LINGO2: variants seen among roughly 807,000 people sequenced by gnomAD.
LINGO2 encodes the protein leucine rich repeat and Ig domain containing 2.
Under a neutral mutation model 30.6 loss-of-function variants are expected in LINGO2, and 14 were observed. That is an observed-to-expected ratio of 0.46 (90% CI 0.30 to 0.72). The LOEUF is 0.72. LINGO2 is among the 30% of genes least tolerant of loss of function. The probability of loss-of-function intolerance (pLI) is 0.07; values close to 1 mark genes in which losing one functional copy is unlikely to be tolerated. For missense variants in LINGO2, 729 were observed against 751.7 expected (o/e 0.97, Z 0.35); for synonymous variants, 317 against 288.5 (o/e 1.10, Z -1.00).
At chr9:28,952,990 G>A in the LINGO2 span, among the ~76,000 whole-genome samples, 1 of 152,082 alleles carries the variant, frequency 6.6e-6, no homozygotes, top group Non-Finnish European at 1.5e-5. Context: ...GTCTGGCATT[G>A]GCATAGAATA....
chr9:28,086,611 G>A (rs1195210442), intron 4 of LINGO2, among the ~76,000 whole-genome samples: 1 of 151,876 alleles, frequency 6.6e-6, no homozygotes. Flanking sequence ...AAAGTTAAAA[G>A]CTCTGAATTT....
chr9:28,577,760 A>G (rs1214205212), intron 1 of LINGO2, among the ~76,000 whole-genome samples: 1 of 152,178 alleles, frequency 6.6e-6, no homozygotes, highest in Admixed American at 6.6e-5. Context: ...TCATTTCTTC[A>G]AAGTGAAACT....
At chr9:28,056,103 G>T (rs1311082141) in intron 4 of LINGO2, among the ~76,000 whole-genome samples, 1 of 152,142 alleles carries the variant, frequency 6.6e-6, no homozygotes, top group Non-Finnish European at 1.5e-5. Flanking sequence ...GTGAGCAAAG[G>T]CAACCTCTGA....
rs1262175713 is a variant in LINGO2 at position 28,078,292 on chromosome 9, G to C, written c.-86-65887C>G. On this transcript the variant is annotated intron_variant, in intron 4 of 5. Transcript: ENST00000379992. ...TGCAGGCATGCAGGGCAACTGAGAG[G>C]ATGTGCAGTTTAGTTTGCAGAGTTG... Among the ~76,000 whole-genome samples the C allele has an allele frequency of 2.7e-5, 4 of 148,892 alleles. 1 individual carries two copies. Among genetic ancestry groups the C allele is most frequent in the African/African-American group, 7.8e-5 (3 of 38,266 alleles).
intron 2 of LINGO2, among the ~76,000 whole-genome samples, chr9:28,418,637 A>C (rs1184911683): frequency 6.6e-6 from 1 of 152,086 alleles, no homozygotes; most frequent in Non-Finnish European, 1.5e-5. Context: ...AAAATGGATA[A>C]GATTAATCTC....
chr9:27,949,307 C>T (rs761625344), exon 6 of LINGO2: 52 of 1,614,012 alleles, frequency 3.2e-5, no homozygotes, highest in Non-Finnish European at 5.1e-6. Flanking sequence ...TTCCATTGGA[C>T]TTGGTGGTGA....
the LINGO2 span, among the ~76,000 whole-genome samples, chr9:28,732,771 C>T: frequency 1.3e-5 from 2 of 152,210 alleles, no homozygotes; most frequent in Admixed American, 6.5e-5. Flanking sequence ...ATTGATTCCA[C>T]TCCTCTATAA....
intron 4 of LINGO2, among the ~76,000 whole-genome samples, chr9:28,201,258 T>C (rs372271879): frequency 1.4e-5 from 2 of 140,438 alleles, no homozygotes; most frequent in African/African-American, 2.7e-5. Flanking sequence ...TCCCCAGAGT[T>C]TGATATTCCC....
At chr9:28,337,542 G>C (rs1825630670) in intron 3 of LINGO2, among the ~76,000 whole-genome samples, 1 of 152,134 alleles carries the variant, frequency 6.6e-6, no homozygotes, top group East Asian at 1.9e-4. Context: ...TCAGAGACCT[G>C]CACAGCAGCC....
the LINGO2 span, among the ~76,000 whole-genome samples, chr9:28,999,048 C>T: frequency 1.3e-5 from 2 of 152,108 alleles, no homozygotes; most frequent in Non-Finnish European, 2.9e-5. Context: ...GACTCATACA[C>T]TCTTAATAGA....
the LINGO2 span, among the ~76,000 whole-genome samples, chr9:28,995,834 C>T: frequency 6.6e-6 from 1 of 150,860 alleles, no homozygotes; most frequent in Non-Finnish European, 1.5e-5. Flanking sequence ...AACATATGGA[C>T]ACAGGAAGGG....
the LINGO2 span, among the ~76,000 whole-genome samples, chr9:28,688,537 C>T: frequency 6.6e-6 from 1 of 152,110 alleles, no homozygotes; most frequent in Non-Finnish European, 1.5e-5. Flanking sequence ...CTTCAGGTGA[C>T]ATGGTTCCTC....
chr9:28,775,105 A>T, the LINGO2 span, among the ~76,000 whole-genome samples: 1 of 152,200 alleles, frequency 6.6e-6, no homozygotes, highest in Non-Finnish European at 1.5e-5. Flanking sequence ...AAGTGAGCAT[A>T]GGAGGCAAAA....
chr9:28,556,452 C>A (rs955126206), intron 1 of LINGO2, among the ~76,000 whole-genome samples: 1 of 151,982 alleles, frequency 6.6e-6, no homozygotes, highest in African/African-American at 2.4e-5. Flanking sequence ...ATGTGAAGGA[C>A]CTCTTCAAAG....
At chr9:28,635,093 G>C (rs1827195256) in intron 1 of LINGO2, among the ~76,000 whole-genome samples, 1 of 152,130 alleles carries the variant, frequency 6.6e-6, no homozygotes, top group Admixed American at 6.5e-5. Context: ...ATAAGAAATA[G>C]CTTCTTGATG....
the LINGO2 span, among the ~76,000 whole-genome samples, chr9:29,199,167 C>T: frequency 3.3e-5 from 5 of 152,024 alleles, no homozygotes. Context: ...ACTGCAGTGT[C>T]TAAAGGAAAA....
intron 4 of LINGO2, among the ~76,000 whole-genome samples, chr9:28,200,273 G>A (rs1368094644): frequency 6.6e-6 from 1 of 152,070 alleles, no homozygotes; most frequent in Non-Finnish European, 1.5e-5. Flanking sequence ...AGATAGTGTT[G>A]GTGTCTAGGT....
chr9:28,933,365 C>A, the LINGO2 span, among the ~76,000 whole-genome samples: 2 of 152,164 alleles, frequency 1.3e-5, no homozygotes, highest in Non-Finnish European at 2.9e-5. Context: ...TCTCTTTAAC[C>A]CTGAGTTTCT....
chr9:27,966,355 A>C (rs573587354), intron 5 of LINGO2, among the ~76,000 whole-genome samples: 1 of 152,142 alleles, frequency 6.6e-6, no homozygotes, highest in Admixed American at 6.6e-5. Flanking sequence ...TATGAAATAC[A>C]TGCCTCAATA....
Sources: gnomAD v4.1 joint callset for allele counts (sites outside exome capture counted in the v4.1 genomes callset) on GRCh38, gnomAD v4.1.1 for gene constraint, MANE v1.5 for transcripts, NCBI Gene and HGNC (gene_info 2026-07-23, HGNC 2026-07-21) for gene names.